LAPTM4B: variants seen among roughly 807,000 people sequenced by gnomAD.
LAPTM4B encodes lysosomal-associated transmembrane protein 4B.
In LAPTM4B, 26 loss-of-function variants were observed where a neutral mutation model predicts 28.5. The ratio of observed to expected loss-of-function variants is 0.91; its 90% CI spans 0.67 to 1.27. The LOEUF (loss-of-function observed/expected upper bound fraction) is 1.27, where lower values mean the gene tolerates loss of function less well. Among genes scored for constraint, LAPTM4B ranks in the 50% most tolerant of loss-of-function variants. The probability of loss-of-function intolerance (pLI) is 0.00; values close to 1 mark genes in which losing one functional copy is unlikely to be tolerated. For missense variants in LAPTM4B, 288 were observed against 285.8 expected (o/e 1.01, Z -0.06); for synonymous variants, 109 against 106.4 (o/e 1.02, Z -0.15).
chr8:97,783,065 G>A (rs993704059), intron 1 of LAPTM4B, among the ~76,000 whole-genome samples: 1 of 130,104 alleles, frequency 7.7e-6, no homozygotes, highest in African/African-American at 3.1e-5. Flanking sequence ...GAGCCACCGC[G>A]CCCGGCCTTT....
intron 4 of LAPTM4B, among the ~76,000 whole-genome samples, chr8:97,818,656 C>T (rs1816958549): frequency 3.3e-5 from 5 of 152,168 alleles, no homozygotes; most frequent in African/African-American, 1.2e-4. Flanking sequence ...AAGAAGACCT[C>T]ATTTTAGTAG....
chr8:97,848,556 A>C (rs1218677302), intron 6 of LAPTM4B, among the ~76,000 whole-genome samples: 1 of 152,146 alleles, frequency 6.6e-6, no homozygotes, highest in Non-Finnish European at 1.5e-5. Context: ...ACAGTGGCTC[A>C]TGCCTGTAAT....
intron 5 of LAPTM4B, among the ~76,000 whole-genome samples, chr8:97,822,935 G>A (rs1211492590): frequency 2.6e-5 from 4 of 151,672 alleles, no homozygotes; most frequent in South Asian, 2.1e-4. Context: ...TCTGCTTCCC[G>A]GGTTCAAGCA....
chr8:97,785,493 C>T (rs1816386289), intron 1 of LAPTM4B, among the ~76,000 whole-genome samples: 1 of 151,904 alleles, frequency 6.6e-6, no homozygotes, highest in African/African-American at 2.4e-5. Flanking sequence ...TAACTTCGAC[C>T]TAAAAGGAAG....
chr8:97,805,287 T>C, intron 1 of LAPTM4B, 66 bp from the exon 2 acceptor site: 1 of 934,598 alleles, frequency 1.1e-6, no homozygotes, highest in South Asian at 1.5e-5. Flanking sequence ...AGTGTAATTT[T>C]CTATTATAAG....
chr8:97,850,300 G>A (rs1008773678), intron 6 of LAPTM4B, among the ~76,000 whole-genome samples: 5 of 151,742 alleles, frequency 3.3e-5, no homozygotes, highest in African/African-American at 7.3e-5. Flanking sequence ...CAGGCTTTTC[G>A]GGGGCCGGCC....
rs993084965 is a variant in LAPTM4B at position 97,787,699 on chromosome 8, T to C, written c.99+11591T>C. 4.6e-5 allele frequency among the ~76,000 whole-genome samples: 7 copies of C among 152,360 alleles called. No individual in the cohort carries two copies. The East Asian group carries it at 1.2e-3, about 25-fold the overall frequency. On this transcript the variant is annotated intron_variant, in intron 1 of 6. Coordinates refer to ENST00000521545, the MANE Select transcript of LAPTM4B (RefSeq NM_018407.6). ...CAGTCGTTTCTCTCTTGTATTTTAG[T>C]GTCCTTTTCTAAGTTCCCAAACACA...
At chr8:97,811,991 A>C (rs891309329) in intron 2 of LAPTM4B, among the ~76,000 whole-genome samples, 4 of 151,708 alleles carry the variant, frequency 2.6e-5, no homozygotes, top group Non-Finnish European at 5.9e-5. Flanking sequence ...TTTTTAGTAG[A>C]GACGGGGTTT....
At chr8:97,846,389 G>A (rs1817435143) in intron 6 of LAPTM4B, among the ~76,000 whole-genome samples, 1 of 149,004 alleles carries the variant, frequency 6.7e-6, no homozygotes, top group Admixed American at 6.7e-5. Context: ...AGTGCAATGC[G>A]CGATCTCAGC....
intron 6 of LAPTM4B, among the ~76,000 whole-genome samples, chr8:97,833,231 G>GGCT (rs1488738366): frequency 2.1e-4 from 32 of 151,920 alleles, no homozygotes; most frequent in Non-Finnish European, 4.4e-4. Context: ...CTACTTGGGA[G>GGCT]GCTGGGGCAG....
intron 1 of LAPTM4B, among the ~76,000 whole-genome samples, chr8:97,791,716 G>A (rs1260191093): frequency 1.3e-5 from 2 of 152,144 alleles, no homozygotes; most frequent in African/African-American, 2.4e-5. Flanking sequence ...TGGTAAGAGC[G>A]TATATGGCAT....
intron 2 of LAPTM4B, among the ~76,000 whole-genome samples, chr8:97,805,999 C>G (rs1816752143): frequency 6.6e-6 from 1 of 152,074 alleles, no homozygotes; most frequent in Non-Finnish European, 1.5e-5. Flanking sequence ...AATCATTATG[C>G]CGAGTCCATG....
At chr8:97,808,103 G>A (rs1412436098) in intron 2 of LAPTM4B, among the ~76,000 whole-genome samples, 1 of 151,526 alleles carries the variant, frequency 6.6e-6, no homozygotes, top group Non-Finnish European at 1.5e-5. Flanking sequence ...TTATAGGCAT[G>A]AGCCACCACA....
intron 1 of LAPTM4B, 74 bp from the exon 2 acceptor site, chr8:97,805,279 T>C (rs1586328580): frequency 1.2e-6 from 1 of 827,908 alleles, no homozygotes; most frequent in East Asian, 2.4e-5. Flanking sequence ...ATGTGGTCAG[T>C]GTAATTTTCT....
chr8:97,842,449 T>C (rs915811712), intron 6 of LAPTM4B, among the ~76,000 whole-genome samples: 6 of 152,188 alleles, frequency 3.9e-5, no homozygotes, highest in African/African-American at 1.4e-4. Flanking sequence ...TGGATAGATC[T>C]GAATTGAACT....
At chr8:97,839,337 G>A (rs548656357) in intron 6 of LAPTM4B, among the ~76,000 whole-genome samples, 9 of 152,194 alleles carry the variant, frequency 5.9e-5, no homozygotes, top group South Asian at 4.2e-4. Flanking sequence ...GGGATTACAG[G>A]CATGTGTTAC....
chr8:97,775,818 G>T lies in LAPTM4B; in HGVS notation c.-192G>T, dbSNP rs1440171774. The T allele has an allele frequency of 6.4e-7, 1 of 1,563,512 alleles. No homozygotes were observed. Among genetic ancestry groups the T allele is most frequent in the Non-Finnish European group, 8.6e-7 (1 of 1,161,374 alleles). ...CGCCGCTGCAGCGGTCGCCTTCGGA[G>T]CGAAGGGTACCGACCCGGCAGAAGC... On this transcript the variant is annotated 5_prime_UTR_variant, in exon 1 of 7. Coordinates refer to ENST00000521545, the MANE Select transcript of LAPTM4B (RefSeq NM_018407.6).
At chr8:97,805,252 G>A (rs998213729) in intron 1 of LAPTM4B, 101 bp from the exon 2 acceptor site, 24 of 654,070 alleles carry the variant, frequency 3.7e-5, no homozygotes, top group Non-Finnish European at 5.3e-5. Context: ...GAAGTTGCCT[G>A]TGGCCAGCCT....
intron 6 of LAPTM4B, among the ~76,000 whole-genome samples, chr8:97,846,718 A>C (rs1817439172): frequency 6.6e-6 from 1 of 152,086 alleles, no homozygotes; most frequent in Admixed American, 6.6e-5. Flanking sequence ...CATTTTTCCC[A>C]AAAATATTTT....
Sources: allele counts gnomAD v4.1 joint callset (sites outside exome capture counted in the v4.1 genomes callset), GRCh38; gene constraint gnomAD v4.1.1; transcripts MANE v1.5; gene names NCBI Gene and HGNC (gene_info 2026-07-23, HGNC 2026-07-21).